Variants in SPTBN4 observed in about 807,000 individuals in gnomAD.
The protein encoded by SPTBN4 is spectrin beta chain, non-erythrocytic 4.
Under a neutral mutation model 277.8 loss-of-function variants are expected in SPTBN4, and 96 were observed. The observed-to-expected ratio is 0.35, with a 90% CI of 0.29 to 0.41. The LOEUF (loss-of-function observed/expected upper bound fraction) is 0.41, where lower values mean the gene tolerates loss of function less well. Among genes scored for constraint, SPTBN4 ranks in the 10% least tolerant of loss-of-function variants. The pLI is 1.00. For synonymous variants in SPTBN4, 1,481 were observed against 1,580.3 expected (o/e 0.94, Z 1.49); for missense variants, 3,006 against 3,595.7 (o/e 0.84, Z 4.19).
Position 40,502,326 on chromosome 19 carries a change from G to C in SPTBN4, c.1085+11G>C. 1 of 1,611,544 alleles carries C rather than the reference G, an allele frequency of 6.2e-7. No homozygotes were observed. ...GGAGAAGCCTGTCAAGTGAGGCCCA[G>C]CTCTGGAGGGAGGGTGGGCAGGGGT... On this transcript the variant is annotated intron_variant, in intron 9 of 35. Transcript: ENST00000598249. This position sits in a 1 kb window ranked among gnomAD's most constrained non-coding sequence, Gnocchi z 4.9.
chr19:40,523,695 T>C (rs2080556419), intron 17 of SPTBN4, 56 bp downstream of exon 17: 10 of 1,522,416 alleles, frequency 6.6e-6, no homozygotes, highest in African/African-American at 5.5e-5. Context: ...GGGCCCAGCA[T>C]AGGGGAGTGG....
At chr19:40,504,744 A>C (rs536211872) in intron 12 of SPTBN4, among the ~76,000 whole-genome samples, 2 of 152,032 alleles carry the variant, frequency 1.3e-5, no homozygotes, top group African/African-American at 4.8e-5. Context: ...GCTATTTGGG[A>C]GGCTGAGGCT....
At chr19:40,540,831 AAAAAAAAAAG>A (rs1335291491) in intron 20 of SPTBN4, among the ~76,000 whole-genome samples, 3 of 151,548 alleles carry the variant, frequency 2.0e-5, no homozygotes, top group African/African-American at 7.3e-5. Flanking sequence ...AAAAAAAAAA[AAAAAAAAAAG>A]AAAAGTAATT....
intron 2 of SPTBN4, among the ~76,000 whole-genome samples, chr19:40,477,025 T>TTTATTATTATTATTA (rs368715725): frequency 2.7e-5 from 4 of 147,574 alleles, no homozygotes; most frequent in Admixed American, 2.0e-4. Flanking sequence ...AGCTGTAGAA[T>TTTATTATTATTATTA]TTATTATTAT....
At chr19:40,477,482 C>T (rs899765959) in intron 2 of SPTBN4, among the ~76,000 whole-genome samples, 4 of 152,194 alleles carry the variant, frequency 2.6e-5, no homozygotes, top group African/African-American at 4.8e-5. Context: ...GAGAGAGATC[C>T]GGTTAGACAA....
At chr19:40,546,125 G>A (rs1159491314) in intron 20 of SPTBN4, among the ~76,000 whole-genome samples, 11 of 150,516 alleles carry the variant, frequency 7.3e-5, no homozygotes, top group African/African-American at 1.2e-4. Context: ...CTCGGGAGGC[G>A]GAGGCAGGAG....
chr19:40,501,077 G>T (rs573272444), intron 7 of SPTBN4, among the ~76,000 whole-genome samples: 1 of 151,834 alleles, frequency 6.6e-6, no homozygotes, highest in Admixed American at 6.6e-5. Flanking sequence ...GCTTGTCTAA[G>T]GAAATTTGAG....
rs201825384 is a variant in SPTBN4 at position 40,529,061 on chromosome 19, G to A, written c.3878G>A (p.Arg1293Gln). Reference protein sequence around the residue: ...LLEKNQENQLRAQQWMQKLHD... With the variant: ...LLEKNQENQLQAQQWMQKLHD... ...CCCAGGAACCAAGAAAACCAGTTAC[G>A]GGCCCAGCAATGGATGCAAAAGCTA... is the stretch of plus-strand genomic sequence containing the variant. Residue 1293 changes from arginine to glutamine, a missense_variant, in exon 18 of 36, where the codon CGG (arginine) becomes CAG (glutamine). This residue lies in a region of SPTBN4 where 1,759 missense variants were observed against 2,061.5 expected (regional missense o/e 0.85). Transcript: ENST00000598249. 11 of 1,614,010 alleles carry A rather than the reference G, an allele frequency of 6.8e-6. No homozygotes were observed. The highest frequency in any genetic ancestry group is 1.1e-5 in the South Asian group (1 of 91,076).
Position 40,502,559 on chromosome 19 carries a change from G to A in SPTBN4, c.1203+52G>A, listed in dbSNP as rs776648099. On this transcript the variant is annotated intron_variant, in intron 10 of 35. Coordinates refer to ENST00000598249, the MANE Select transcript of SPTBN4 (RefSeq NM_020971.3). This position sits in a 1 kb window ranked among gnomAD's most constrained non-coding sequence, Gnocchi z 4.9. ...CGGGGTTGCACTGTGGAGTTGTATA[G>A]GTTGCACACTGCTCAAGGGAATCAT... 54 of 1,522,532 alleles carry A rather than the reference G, an allele frequency of 3.5e-5. No homozygotes were observed. In the African/African-American group the frequency reaches 7.1e-4, roughly 20 times the overall value. 94.3% of individuals were successfully genotyped at this position (1,522,532 alleles called of 1,614,324 possible). A position where few individuals can be genotyped will look rare whatever the true frequency, so the allele number is the denominator to read the frequency against.
chr19:40,518,024 G>A (rs1310696492), intron 15 of SPTBN4, among the ~76,000 whole-genome samples: 1 of 152,224 alleles, frequency 6.6e-6, no homozygotes, highest in East Asian at 1.9e-4. Context: ...GCAAGAAACA[G>A]GCAGGGCATG....
At chr19:40,473,362 T>G (rs1400649111) in intron 2 of SPTBN4, among the ~76,000 whole-genome samples, 2 of 144,652 alleles carry the variant, frequency 1.4e-5, no homozygotes, top group African/African-American at 5.2e-5. Context: ...GTGTTTTTTT[T>G]TTTTTTTTTT....
rs987858482 is a variant in SPTBN4, at chr19:40,576,334, G to C, written c.*765G>C. ...TGCTTCTGGCTGGAGCACCTCCCTGGGGAGTCGGGGGATTGGGTTGTGGGC... is the reference window on the plus strand; with the variant it reads ...TGCTTCTGGCTGGAGCACCTCCCTGCGGAGTCGGGGGATTGGGTTGTGGGC... On this transcript the variant is annotated 3_prime_UTR_variant, in exon 36 of 36. Coordinates refer to ENST00000598249, the MANE Select transcript of SPTBN4 (RefSeq NM_020971.3). 17 of 152,926 alleles carry C rather than the reference G, an allele frequency of 1.1e-4. No homozygotes were observed. Among genetic ancestry groups the C allele is most frequent in the African/African-American group, 4.1e-4 (17 of 41,574 alleles). The allele number at this position is 152,926 out of a possible 1,614,324, so 9.5% of individuals were successfully genotyped here.
intron 2 of SPTBN4, among the ~76,000 whole-genome samples, chr19:40,484,880 T>C (rs2145819151): frequency 6.6e-6 from 1 of 151,360 alleles, no homozygotes; most frequent in East Asian, 1.9e-4. Flanking sequence ...TGCAGTGAGC[T>C]GAGATCGCGC....
At chr19:40,567,625 C>G in intron 30 of SPTBN4, 38 bp from the exon 31 acceptor site, 1 of 1,427,414 alleles carries the variant, frequency 7.0e-7, no homozygotes, top group South Asian at 1.5e-5. Context: ...CGCCCCGGCC[C>G]CACGCCTCCA....
At chr19:40,563,968 AC>A (rs2081068813) in intron 27 of SPTBN4, among the ~76,000 whole-genome samples, 1 of 151,312 alleles carries the variant, frequency 6.6e-6, no homozygotes, top group Non-Finnish European at 1.5e-5. Context: ...AATTGCTTGA[AC>A]CCAGAAGGTG....
At chr19:40,467,460 C>G (rs996215232) in intron 1 of SPTBN4, among the ~76,000 whole-genome samples, 155 bp downstream of exon 1, 7 of 152,294 alleles carry the variant, frequency 4.6e-5, no homozygotes, top group South Asian at 2.1e-4. Context: ...ACAACCCCCC[C>G]ACCCGGTCTA....
intron 26 of SPTBN4, among the ~76,000 whole-genome samples, chr19:40,558,651 A>G (rs2081009225): frequency 2.0e-5 from 3 of 149,920 alleles, no homozygotes; most frequent in South Asian, 4.2e-4. Context: ...TCTGTCACCC[A>G]GGCTGGAGTG....
At chr19:40,535,804 G>T (rs541604787) in intron 20 of SPTBN4, among the ~76,000 whole-genome samples, 1 of 152,004 alleles carries the variant, frequency 6.6e-6, no homozygotes, top group Non-Finnish European at 1.5e-5. Flanking sequence ...GGGCATGGTG[G>T]TGCACGCCTG....
chr19:40,524,440 G>A, intron 17 of SPTBN4: 1 of 307,446 alleles, frequency 3.3e-6, no homozygotes, highest in Non-Finnish European at 6.7e-6. Flanking sequence ...CCGGGAGATT[G>A]AGGCAGCAAT....
Sources: allele counts gnomAD v4.1 joint callset (sites outside exome capture counted in the v4.1 genomes callset), GRCh38; gene constraint gnomAD v4.1.1; regional missense constraint gnomAD v4.1.1; non-coding constraint Gnocchi (gnomAD v3.1); transcripts MANE v1.5; gene names NCBI Gene and HGNC (gene_info 2026-07-23, HGNC 2026-07-21).